The following ME1 variants were observed in gnomAD, a reference collection of about 807,000 sequenced individuals.
ME1 encodes NADP-dependent malic enzyme.
A neutral mutation model predicts 66.4 loss-of-function variants in ME1; 74 were observed. The observed-to-expected ratio is 1.11, with a 90% CI of 0.92 to 1.35. The LOEUF is 1.35. Among genes scored for constraint, ME1 ranks in the 40% most tolerant of loss-of-function variants. The probability of loss-of-function intolerance (pLI) is 0.00; values close to 1 mark genes in which losing one functional copy is unlikely to be tolerated. For synonymous variants in ME1, 251 were observed against 235.6 expected (o/e 1.07, Z -0.60); for missense variants, 750 against 694.1 (o/e 1.08, Z -0.90).
chr6:83,283,663 G>T lies in ME1; in HGVS notation c.705-29925C>A, dbSNP rs117043474. On this transcript the variant is annotated intron_variant, in intron 6 of 13. Coordinates refer to ENST00000369705, the MANE Select transcript of ME1 (RefSeq NM_002395.6). The stretch of plus-strand genomic sequence containing the variant: ...TTAAAGAAATATGCGATTATATAAA[G>T]CAACCAAATCTAGGAATTACTGGCA... Among the ~76,000 whole-genome samples, 5 of 152,142 alleles carry T rather than the reference G, an allele frequency of 3.3e-5. No individual in the cohort carries two copies. The East Asian group carries it at 9.6e-4, about 29-fold the overall frequency.
At chr6:83,350,971 CAAAAAAAAAAAAAA>C (rs34259968) in intron 4 of ME1, among the ~76,000 whole-genome samples, 3 of 55,784 alleles carry the variant, frequency 5.4e-5, no homozygotes, top group Non-Finnish European at 1.0e-4. Context: ...GTGGAGAAAG[CAAAAAAAAAAAAAA>C]AAAAAAAAAA....
In ME1 at chr6:83,251,085, G is replaced by A. The variant is rs74525492; in HGVS notation, c.814+2544C>T. On this transcript the variant is annotated intron_variant, in intron 7 of 13. Coordinates refer to ENST00000369705, the MANE Select transcript of ME1 (RefSeq NM_002395.6). Reference sequence around the variant, plus strand: ...GTTCCACTAACGTTAAATACTTTCTGTGGGCTTGGGGCTATGTTAATGACA... The same window carrying A: ...GTTCCACTAACGTTAAATACTTTCTATGGGCTTGGGGCTATGTTAATGACA... 7.0e-3 allele frequency among the ~76,000 whole-genome samples: 1,067 copies of A among 152,276 alleles called. 9 individuals carry two copies. Among genetic ancestry groups the A allele is most frequent in the Non-Finnish European group, 0.01 (713 of 68,018 alleles).
At chr6:83,318,258 T>C (rs1298724160) in intron 5 of ME1, among the ~76,000 whole-genome samples, 1,939 of 139,830 alleles carry the variant, frequency 0.014, 30 homozygotes, top group East Asian at 0.11. Flanking sequence ...ACTTCATGTC[T>C]AAAACACCAA....
chr6:83,416,192 G>A (rs907639792), intron 1 of ME1, among the ~76,000 whole-genome samples: 3 of 152,170 alleles, frequency 2.0e-5, no homozygotes, highest in African/African-American at 7.2e-5. Context: ...TACATGTTAT[G>A]TGTGTTTCAC....
intron 1 of ME1, among the ~76,000 whole-genome samples, chr6:83,409,574 C>A (rs1012424065): frequency 1.2e-4 from 18 of 152,122 alleles, no homozygotes; most frequent in Non-Finnish European, 1.6e-4. Context: ...TAGATATACC[C>A]ATTAATTCAT....
intron 6 of ME1, among the ~76,000 whole-genome samples, chr6:83,260,432 A>G (rs1226825163): frequency 6.6e-6 from 1 of 152,092 alleles, no homozygotes; most frequent in Non-Finnish European, 1.5e-5. Context: ...TTAAACTTTT[A>G]TTTTAGGTTC....
chr6:83,386,157 G>C (rs760115215), intron 3 of ME1, among the ~76,000 whole-genome samples: 1 of 151,570 alleles, frequency 6.6e-6, no homozygotes, highest in Non-Finnish European at 1.5e-5. Flanking sequence ...AAAATCAAAG[G>C]CTTATTACCA....
At chr6:83,347,884 C>CAA (rs1768719169) in intron 4 of ME1, among the ~76,000 whole-genome samples, 1 of 151,968 alleles carries the variant, frequency 6.6e-6, no homozygotes, top group Admixed American at 6.6e-5. Flanking sequence ...AATAATTTGC[C>CAA]TAAAGTGATT....
chr6:83,304,337 A>C (rs1010176774), intron 6 of ME1, among the ~76,000 whole-genome samples: 2 of 152,178 alleles, frequency 1.3e-5, no homozygotes, highest in African/African-American at 4.8e-5. Context: ...CAGGCTCCAA[A>C]CCATGGTAAA....
At chr6:83,233,071 C>T (rs557328434) in intron 9 of ME1, among the ~76,000 whole-genome samples, 6 of 152,080 alleles carry the variant, frequency 3.9e-5, no homozygotes, top group East Asian at 3.9e-4. Flanking sequence ...TTAGTGAGAG[C>T]GAAAATATAA....
At chr6:83,303,496 A>G (rs1767767835) in intron 6 of ME1, among the ~76,000 whole-genome samples, 1 of 152,204 alleles carries the variant, frequency 6.6e-6, no homozygotes, top group African/African-American at 2.4e-5. Context: ...AGCAAGGGAA[A>G]GCTAAAGCTT....
intron 3 of ME1, among the ~76,000 whole-genome samples, chr6:83,358,087 G>A (rs960200991): frequency 6.6e-6 from 1 of 150,838 alleles, no homozygotes; most frequent in Admixed American, 6.6e-5. Context: ...TAGTGGAAAA[G>A]AATATTAAGG....
chr6:83,323,465 C>A (rs1170340), intron 5 of ME1, among the ~76,000 whole-genome samples: 48,571 of 151,148 alleles, frequency 0.32, 8,154 homozygotes, highest in Middle Eastern at 0.49. Context: ...GAAGATTTAC[C>A]AAGCAAATGG....
At chr6:83,263,465 A>C (rs1766932514) in intron 6 of ME1, among the ~76,000 whole-genome samples, 1 of 152,214 alleles carries the variant, frequency 6.6e-6, no homozygotes, top group African/African-American at 2.4e-5. Flanking sequence ...GTGAATGCAA[A>C]GGAAAAGTTC....
chr6:83,328,556 A>G (rs1320362908), intron 5 of ME1, among the ~76,000 whole-genome samples: 1 of 152,230 alleles, frequency 6.6e-6, no homozygotes, highest in African/African-American at 2.4e-5. Context: ...TTGAATAATT[A>G]GTGCATTCTC....
chr6:83,330,542 G>T (rs144078486), intron 5 of ME1, among the ~76,000 whole-genome samples: 7 of 152,300 alleles, frequency 4.6e-5, no homozygotes, highest in African/African-American at 1.4e-4. Flanking sequence ...TAATTCTGAA[G>T]TGGTGAGAAC....
chr6:83,373,390 C>G (rs964981537), intron 3 of ME1, among the ~76,000 whole-genome samples: 2 of 152,096 alleles, frequency 1.3e-5, no homozygotes, highest in African/African-American at 4.8e-5. Flanking sequence ...TAGGTGCCAA[C>G]AAGCCCAGCT....
At chr6:83,219,431 AAATT>A (rs1376277682) in intron 12 of ME1, among the ~76,000 whole-genome samples, 6 of 152,220 alleles carry the variant, frequency 3.9e-5, no homozygotes, top group Non-Finnish European at 5.9e-5. Context: ...GTATTTGGGC[AAATT>A]AATTAACCTT....
chr6:83,280,958 AT>A (rs1375021763), intron 6 of ME1, among the ~76,000 whole-genome samples: 2 of 152,236 alleles, frequency 1.3e-5, no homozygotes, highest in African/African-American at 4.8e-5. Context: ...TAATAAAATC[AT>A]TTTTATTATT....
Sources: gnomAD v4.1 joint callset for allele counts (sites outside exome capture counted in the v4.1 genomes callset) on GRCh38, gnomAD v4.1.1 for gene constraint, MANE v1.5 for transcripts, NCBI Gene and HGNC (gene_info 2026-07-23, HGNC 2026-07-21) for gene names.